PIBF1: variants seen among roughly 807,000 people sequenced by gnomAD.
The protein encoded by PIBF1 is progesterone-induced-blocking factor 1.
A neutral mutation model predicts 112.5 loss-of-function variants in PIBF1; 90 were observed. The ratio of observed to expected loss-of-function variants is 0.80; its 90% CI spans 0.67 to 0.95. The LOEUF is 0.95. Among genes scored for constraint, PIBF1 ranks in the 40% least tolerant of loss-of-function variants. PIBF1 has a pLI of 0.00. For missense variants in PIBF1, 915 were observed against 852.3 expected (o/e 1.07, Z -0.92); for synonymous variants, 301 against 288.6 (o/e 1.04, Z -0.44).
chr13:72,935,970 C>T (rs969982138), intron 14 of PIBF1, among the ~76,000 whole-genome samples: 10 of 151,774 alleles, frequency 6.6e-5, no homozygotes, highest in African/African-American at 1.2e-4. Flanking sequence ...TATTTTTTCC[C>T]ACCCTGTGGC....
chr13:72,859,171 GT>G (rs2038581440), intron 10 of PIBF1, among the ~76,000 whole-genome samples: 1 of 152,130 alleles, frequency 6.6e-6, no homozygotes, highest in South Asian at 2.1e-4. Flanking sequence ...GCTTGCAATG[GT>G]TTTTAAGATT....
rs116632540 is a variant in PIBF1 at position 72,834,560 on chromosome 13, G to A, written c.1098-683G>A. On this transcript the variant is annotated intron_variant, in intron 8 of 17. Coordinates refer to ENST00000326291, the MANE Select transcript of PIBF1 (RefSeq NM_006346.4). ...GAAGATGGCTTGAGCCCAGGAGTTC[G>A]GGGTTACATGATTGTGCCACTGTAC... 7.1e-3 allele frequency among the ~76,000 whole-genome samples: 1,076 copies of A among 152,200 alleles called. 14 individuals carry two copies. Among genetic ancestry groups the A allele is most frequent in the African/African-American group, 0.025 (1,033 of 41,522 alleles).
chr13:72,835,484 C>G (rs2038846), intron 9 of PIBF1, 116 bp downstream of exon 9: 220,911 of 719,096 alleles, frequency 0.31, 38,481 homozygotes, highest in East Asian at 0.52. Flanking sequence ...TTAGAGAAAA[C>G]TTGTCATAAA....
In PIBF1 at chr13:73,016,037, G is replaced by A. The variant is rs2044373282; in HGVS notation, c.*118G>A. The A allele has an allele frequency of 5.0e-6, 2 of 401,492 alleles. No homozygotes were observed. Among genetic ancestry groups the A allele is most frequent in the Non-Finnish European group, 8.8e-6 (2 of 226,698 alleles). The allele number at this position is 401,492 out of a possible 1,614,324, so 24.9% of individuals were successfully genotyped here. A position where few individuals can be genotyped will look rare whatever the true frequency, so the allele number is the denominator to read the frequency against. On this transcript the variant is annotated 3_prime_UTR_variant, in exon 18 of 18. Transcript: ENST00000326291. ...ATTTTTTAAATAACAATGTTTATTT[G>A]AACTAATATTAAATTAACAAATTCA...
At chr13:72,880,890 C>A (rs369575341) in intron 10 of PIBF1, among the ~76,000 whole-genome samples, 1 of 152,100 alleles carries the variant, frequency 6.6e-6, no homozygotes, top group East Asian at 1.9e-4. Context: ...TTCAGCTTTG[C>A]TACTTACTTG....
intron 15 of PIBF1, among the ~76,000 whole-genome samples, chr13:72,967,046 C>T (rs1164778069): frequency 1.3e-5 from 2 of 151,686 alleles, no homozygotes; most frequent in Non-Finnish European, 2.9e-5. Context: ...AGTGATTCTC[C>T]TGCCTCAGCC....
chr13:72,980,813 A>G (rs1001712373), intron 16 of PIBF1, among the ~76,000 whole-genome samples: 2 of 151,832 alleles, frequency 1.3e-5, no homozygotes, highest in African/African-American at 4.8e-5. Context: ...CTCCAAAAAA[A>G]AAAAAGAAAA....
chr13:72,854,970 T>C (rs2038347655), intron 10 of PIBF1, among the ~76,000 whole-genome samples: 1 of 152,180 alleles, frequency 6.6e-6, no homozygotes, highest in Non-Finnish European at 1.5e-5. Context: ...TTATGGTAAA[T>C]ATCATTACTT....
chr13:72,843,298 G>T (rs375460346), intron 9 of PIBF1, among the ~76,000 whole-genome samples: 1 of 152,322 alleles, frequency 6.6e-6, no homozygotes, highest in South Asian at 2.1e-4. Context: ...TAAAGAATAC[G>T]TAGGAGAATT....
chr13:72,783,909 A>G (rs1886658), intron 2 of PIBF1, among the ~76,000 whole-genome samples, 188 bp downstream of exon 2: 113,027 of 151,966 alleles, frequency 0.74, 42,403 homozygotes, highest in African/African-American at 0.81. Flanking sequence ...AAGGGCTGGC[A>G]TGGTTAGGGG....
intron 10 of PIBF1, among the ~76,000 whole-genome samples, chr13:72,876,620 C>T (rs573032663): frequency 6.6e-6 from 1 of 152,026 alleles, no homozygotes; most frequent in East Asian, 1.9e-4. Flanking sequence ...TTTAGTTTTC[C>T]TCATATAGAT....
intron 5 of PIBF1, among the ~76,000 whole-genome samples, chr13:72,821,334 T>C (rs1407205233): frequency 6.6e-6 from 1 of 152,170 alleles, no homozygotes; most frequent in Non-Finnish European, 1.5e-5. Flanking sequence ...GGAAGAACAA[T>C]GTAAAGATGT....
chr13:72,887,851 G>A (rs770457378), intron 10 of PIBF1, among the ~76,000 whole-genome samples: 61 of 151,724 alleles, frequency 4.0e-4, no homozygotes, highest in Non-Finnish European at 7.8e-4. Context: ...CATGATTCAC[G>A]TCTAAATATG....
intron 5 of PIBF1, among the ~76,000 whole-genome samples, chr13:72,819,565 A>G (rs1405576272): frequency 6.6e-6 from 1 of 152,116 alleles, no homozygotes; most frequent in African/African-American, 2.4e-5. Context: ...TGACAAACTT[A>G]GATTGGAGTC....
intron 10 of PIBF1, 57 bp downstream of exon 10, chr13:72,854,212 A>G: frequency 9.1e-7 from 1 of 1,094,200 alleles, no homozygotes; most frequent in Non-Finnish European, 1.4e-6. Context: ...TCTGTTACAT[A>G]TTCTTTTAGA....
intron 9 of PIBF1, among the ~76,000 whole-genome samples, chr13:72,840,506 T>C (rs1454128294): frequency 1.3e-5 from 2 of 151,892 alleles, no homozygotes; most frequent in African/African-American, 2.4e-5. Context: ...TTGGTCTCCT[T>C]ATCTCTCCCC....
chr13:72,936,678 A>G (rs1230946955), intron 14 of PIBF1, among the ~76,000 whole-genome samples: 4 of 152,068 alleles, frequency 2.6e-5, no homozygotes, highest in Non-Finnish European at 4.4e-5. Flanking sequence ...CACTATCTTG[A>G]TTGCTGTAGC....
chr13:72,832,938 C>T (rs1032219300), intron 8 of PIBF1, among the ~76,000 whole-genome samples: 13 of 152,226 alleles, frequency 8.5e-5, no homozygotes, highest in Non-Finnish European at 1.2e-4. Context: ...CACGTAGTCC[C>T]GTATTTCTTG....
At chr13:73,005,631 T>C (rs570233241) in intron 17 of PIBF1, among the ~76,000 whole-genome samples, 71 of 152,284 alleles carry the variant, frequency 4.7e-4, no homozygotes, top group Non-Finnish European at 8.2e-4. Flanking sequence ...AGCAGTTATT[T>C]ATAATATAGT....
Sources: gnomAD v4.1 joint callset for allele counts (sites outside exome capture counted in the v4.1 genomes callset) on GRCh38, gnomAD v4.1.1 for gene constraint, MANE v1.5 for transcripts, NCBI Gene and HGNC (gene_info 2026-07-23, HGNC 2026-07-21) for gene names.